The following RFTN1 variants were observed in gnomAD, a reference collection of about 807,000 sequenced individuals.
RFTN1 encodes raftlin.
In RFTN1, 26 loss-of-function variants were observed where a neutral mutation model predicts 46.5. That is an observed-to-expected ratio of 0.56 (90% confidence interval 0.41 to 0.78). RFTN1 has a LOEUF of 0.78. RFTN1 is among the 30% of genes least tolerant of loss of function. RFTN1 has a pLI of 0.00. For synonymous variants in RFTN1, 261 were observed against 284.2 expected, an observed-to-expected ratio of 0.92 and a Z score of 0.82; for missense variants, 693 against 718.7, an observed-to-expected ratio of 0.96 and a Z score of 0.41.
At chr3:16,393,841 A>C (rs1412000672) in intron 4 of RFTN1, among the ~76,000 whole-genome samples, 1 of 151,782 alleles carries the variant, frequency 6.6e-6, no homozygotes, top group Non-Finnish European at 1.5e-5. Context: ...TTGTATTTTT[A>C]GTATAGACGG....
chr3:16,483,009 G>A lies in RFTN1; in HGVS notation c.145+10716C>T, dbSNP rs924289479. The A allele has an allele frequency of 9.9e-6, 6 of 604,976 alleles. No individual in the cohort carries two copies. The African/African-American group carries it at 1.1e-4, about 11-fold the overall frequency. The allele number at this position is 604,976 out of a possible 1,614,324, so 37.5% of individuals were successfully genotyped here. ...TAGCCATCCACCTTCCCTCCTCCAG[G>A]GCTTCTGACATTTTGCTCCAAGGTT... On this transcript the variant is annotated intron_variant, in intron 2 of 9. Coordinates refer to ENST00000334133, the MANE Select transcript of RFTN1 (RefSeq NM_015150.2). This position sits in a 1 kb window ranked among gnomAD's most constrained non-coding sequence, Gnocchi z 4.8.
At chr3:16,389,390 A>C (rs2074293267) in intron 4 of RFTN1, among the ~76,000 whole-genome samples, 1 of 152,214 alleles carries the variant, frequency 6.6e-6, no homozygotes, top group Non-Finnish European at 1.5e-5. Flanking sequence ...ACCCTGGAGA[A>C]CACTGGGATG....
intron 6 of RFTN1, among the ~76,000 whole-genome samples, chr3:16,366,616 A>G (rs1211326594): frequency 1.3e-5 from 2 of 150,356 alleles, no homozygotes; most frequent in East Asian, 3.9e-4. Flanking sequence ...TTGTCTGCCT[A>G]CCCCCTTCTT....
chr3:16,487,995 C>T (rs1170697487), intron 2 of RFTN1, among the ~76,000 whole-genome samples: 1 of 152,236 alleles, frequency 6.6e-6, no homozygotes, highest in South Asian at 2.1e-4. Flanking sequence ...CTGCTGCTTT[C>T]GCCTCTGCCA....
At chr3:16,503,868 T>C (rs1479552546) in intron 1 of RFTN1, among the ~76,000 whole-genome samples, 3 of 152,252 alleles carry the variant, frequency 2.0e-5, no homozygotes, top group African/African-American at 4.8e-5. Flanking sequence ...GAAAATGAGA[T>C]GTCCATGGAT....
Position 16,374,652 on chromosome 3 carries a change from T to G in RFTN1, c.826+3066A>C, listed in dbSNP as rs62236290. ...GGGCAGTGCTTGGAAGACTTGTTATTTTGGTGACGGTGAGAATGATTAGAA... is the reference window on the plus strand; with the variant it reads ...GGGCAGTGCTTGGAAGACTTGTTATGTTGGTGACGGTGAGAATGATTAGAA... On this transcript the variant is annotated intron_variant, in intron 5 of 9. Coordinates refer to ENST00000334133, the MANE Select transcript of RFTN1 (RefSeq NM_015150.2). The surrounding 1 kb of genome is among the most constrained non-coding windows in gnomAD (Gnocchi z 5.4). Among the ~76,000 whole-genome samples, 3,219 of 152,188 alleles carry G rather than the reference T, an allele frequency of 0.021. 45 individuals carry two copies. The highest frequency in any genetic ancestry group is 0.061 in the Middle Eastern group (18 of 294).
At chr3:16,423,052 C>G (rs978217164) in intron 3 of RFTN1, among the ~76,000 whole-genome samples, 2 of 151,994 alleles carry the variant, frequency 1.3e-5, no homozygotes, top group Non-Finnish European at 2.9e-5. Flanking sequence ...CCTGTAGTCC[C>G]AGCTCCTTGG....
At position 16,457,531 on chromosome 3, in the gene RFTN1, G is replaced by A. The variant is rs2124921391; in HGVS notation, c.146-23494C>T. ...CCCAAAAGTCTCAATACAGTTTTAT[G>A]CTGAAATTTCAGAAATATAAGCATT... On this transcript the variant is annotated intron_variant, in intron 2 of 9. Coordinates refer to ENST00000334133, the MANE Select transcript of RFTN1 (RefSeq NM_015150.2). The surrounding 1 kb of genome is among the most constrained non-coding windows in gnomAD (Gnocchi z 4.2). 6.6e-6 allele frequency among the ~76,000 whole-genome samples: 1 copy of A among 152,254 alleles called. No individual in the cohort carries two copies. The highest frequency in any genetic ancestry group is 1.9e-4 in the East Asian group (1 of 5,186).
intron 8 of RFTN1, among the ~76,000 whole-genome samples, chr3:16,324,646 TTGTGTGTGTGTGTGTGTGTG>T (rs71632869): frequency 4.0e-5 from 4 of 100,434 alleles, no homozygotes; most frequent in African/African-American, 1.7e-4. Flanking sequence ...TAGTATTCCA[TTGTGTGTGTGTGTGTGTGTG>T]TGTGTGTGTG....
chr3:16,502,382 T>TC (rs2076725122), intron 1 of RFTN1, among the ~76,000 whole-genome samples: 2 of 123,764 alleles, frequency 1.6e-5, no homozygotes, highest in African/African-American at 6.4e-5. Context: ...AGACCTTGTC[T>TC]CAAAAAAAAA....
rs545576985 is a variant in RFTN1, at chr3:16,361,009, A to G, written c.1031-2962T>C. Among the ~76,000 whole-genome samples the G allele has an allele frequency of 2.6e-5, 4 of 152,218 alleles. No homozygotes were observed. The highest frequency in any genetic ancestry group is 5.9e-5 in the Non-Finnish European group (4 of 68,032). ...ACATATAATTTGAGTTTTCTTTTAT[A>G]TCCTTTTCTGTGAGGTTATTAACAA... On this transcript the variant is annotated intron_variant, in intron 6 of 9. Transcript: ENST00000334133. This position sits in a 1 kb window ranked among gnomAD's most constrained non-coding sequence, Gnocchi z 4.3.
At chr3:16,379,907 A>C (rs1033345369) in intron 4 of RFTN1, among the ~76,000 whole-genome samples, 1 of 152,252 alleles carries the variant, frequency 6.6e-6, no homozygotes, top group African/African-American at 2.4e-5. Context: ...ACTGCATGCA[A>C]AGCATACTTC....
chr3:16,426,109 C>T lies in RFTN1; in HGVS notation c.332+7742G>A, dbSNP rs73043132. On this transcript the variant is annotated intron_variant, in intron 3 of 9. Transcript: ENST00000334133. The surrounding 1 kb of genome is among the most constrained non-coding windows in gnomAD (Gnocchi z 5.9). ...CTCTCTGGGAATAAACCGGCGGCTG[C>T]AGTTTCCCATCACAGTAGCACGCAT... Among the ~76,000 whole-genome samples, 2 of 152,154 alleles carry T rather than the reference C, an allele frequency of 1.3e-5. No individual in the cohort carries two copies. Among genetic ancestry groups the T allele is most frequent in the African/African-American group, 4.8e-5 (2 of 41,414 alleles).
Position 16,418,371 on chromosome 3 carries a change from C to T in RFTN1, c.333-8888G>A, listed in dbSNP as rs140323125. Reference sequence around the variant, plus strand: ...TAAATCCCATTTTGGCTCATAAATCCCTTAGATCTCTTCAAAGACCATGAG... The same window carrying T: ...TAAATCCCATTTTGGCTCATAAATCTCTTAGATCTCTTCAAAGACCATGAG... On this transcript the variant is annotated intron_variant, in intron 3 of 9. Coordinates refer to ENST00000334133, the MANE Select transcript of RFTN1 (RefSeq NM_015150.2). This position sits in a 1 kb window ranked among gnomAD's most constrained non-coding sequence, Gnocchi z 5.0. Among the ~76,000 whole-genome samples, 1 of 152,158 alleles carries T rather than the reference C, an allele frequency of 6.6e-6. No homozygotes were observed. Among genetic ancestry groups the T allele is most frequent in the African/African-American group, 2.4e-5 (1 of 41,512 alleles).
rs1055717908 is a variant in RFTN1 at position 16,489,235 on chromosome 3, T to C, written c.145+4490A>G. ...GAGTTCGAGACCAGCCTGGCCAACA[T>C]GGCAAAAGCCTGTGTCTACTAAAAA... On this transcript the variant is annotated intron_variant, in intron 2 of 9. Transcript: ENST00000334133. The surrounding 1 kb of genome is among the most constrained non-coding windows in gnomAD (Gnocchi z 4.0). Among the ~76,000 whole-genome samples the C allele has an allele frequency of 6.6e-6, 1 of 152,156 alleles. No individual in the cohort carries two copies. The highest frequency in any genetic ancestry group is 6.5e-5 in the Admixed American group (1 of 15,270).
Position 16,316,700 on chromosome 3 carries a change from A to G in RFTN1, c.*128T>C. The stretch of plus-strand genomic sequence containing the variant: ...CTGGGAGGGCTCAGGTGAGCTCACA[A>G]GGAGAGGTCAAGCCAAGCCAAAGGG... On this transcript the variant is annotated 3_prime_UTR_variant, in exon 10 of 10. Coordinates refer to ENST00000334133, the MANE Select transcript of RFTN1 (RefSeq NM_015150.2). This position sits in a 1 kb window ranked among gnomAD's most constrained non-coding sequence, Gnocchi z 4.5. 1 of 1,097,224 alleles carries G rather than the reference A, an allele frequency of 9.1e-7. No individual in the cohort carries two copies. Among genetic ancestry groups the G allele is most frequent in the Non-Finnish European group, 1.4e-6 (1 of 736,756 alleles). 68.0% of individuals were successfully genotyped at this position (1,097,224 alleles called of 1,614,324 possible). A position where few individuals can be genotyped will look rare whatever the true frequency, so the allele number is the denominator to read the frequency against.
At position 16,513,685 on chromosome 3, in the gene RFTN1, C is replaced by G. The variant is rs1693775274; in HGVS notation, c.-252G>C. 1 of 150,252 alleles carries G rather than the reference C, an allele frequency of 6.7e-6. No homozygotes were observed. The highest frequency in any genetic ancestry group is 1.5e-5 in the Non-Finnish European group (1 of 67,192). 9.3% of individuals were successfully genotyped at this position (150,252 alleles called of 1,614,324 possible). A position where few individuals can be genotyped will look rare whatever the true frequency, so the allele number is the denominator to read the frequency against. On this transcript the variant is annotated 5_prime_UTR_variant, in exon 1 of 10. Transcript: ENST00000334133. The surrounding 1 kb of genome is among the most constrained non-coding windows in gnomAD (Gnocchi z 5.4). The stretch of plus-strand genomic sequence containing the variant: ...CGCTCGCTGCGCCCAGCGCCCGGCG[C>G]GCTCCGGCTCCAGCCCCGACGCGCC...
Position 16,317,290 on chromosome 3 carries a change from C to G in RFTN1, c.1333-58G>C. On this transcript the variant is annotated intron_variant, in intron 9 of 9. Coordinates refer to ENST00000334133, the MANE Select transcript of RFTN1 (RefSeq NM_015150.2). The surrounding 1 kb of genome is among the most constrained non-coding windows in gnomAD (Gnocchi z 4.3). ...AGCCTCCGGGAACCCAGAGCTTCACCCAAAGCCTTGTTTGCATTCATACCC... is the reference window on the plus strand; with the variant it reads ...AGCCTCCGGGAACCCAGAGCTTCACGCAAAGCCTTGTTTGCATTCATACCC... 1 of 1,571,086 alleles carries G rather than the reference C, an allele frequency of 6.4e-7. No homozygotes were observed. Among genetic ancestry groups the G allele is most frequent in the Non-Finnish European group, 8.6e-7 (1 of 1,159,078 alleles).
rs1012006201 is a variant in RFTN1, at chr3:16,513,473, C to T, written c.-40G>A. ...GGACCGGCGGAGGAGAAGGCGCGGT[C>T]GCGGGCTCCCTGAGGCAGCGTGTTC... On this transcript the variant is annotated 5_prime_UTR_variant, in exon 1 of 10. Transcript: ENST00000334133. The surrounding 1 kb of genome is among the most constrained non-coding windows in gnomAD (Gnocchi z 5.4). The T allele has an allele frequency of 6.6e-6, 1 of 152,214 alleles. No individual in the cohort carries two copies. The highest frequency in any genetic ancestry group is 1.5e-5 in the Non-Finnish European group (1 of 68,158). The allele number at this position is 152,214 out of a possible 1,614,324, so 9.4% of individuals were successfully genotyped here.
Sources: allele counts gnomAD v4.1 joint callset (sites outside exome capture counted in the v4.1 genomes callset), GRCh38; gene constraint gnomAD v4.1.1; non-coding constraint Gnocchi (gnomAD v3.1); transcripts MANE v1.5; gene names NCBI Gene and HGNC (gene_info 2026-07-23, HGNC 2026-07-21).